MOB3B: variants seen among roughly 807,000 people sequenced by gnomAD.
The protein encoded by MOB3B is MOB kinase activator-like 2B.
A neutral mutation model predicts 18.7 loss-of-function variants in MOB3B; 7 were observed. That is an observed-to-expected ratio of 0.37 (90% confidence interval 0.21 to 0.70). MOB3B has a LOEUF of 0.70. Ranked by LOEUF, MOB3B falls within the 30% of genes least tolerant of loss-of-function variation. MOB3B has a pLI of 0.52. For missense variants in MOB3B, 253 were observed against 281.3 expected (o/e 0.90, Z 0.72); for synonymous variants, 111 against 99.9 (o/e 1.11, Z -0.66).
At chr9:27,517,799 C>T (rs776599267) in intron 1 of MOB3B, among the ~76,000 whole-genome samples, 21 of 151,700 alleles carry the variant, frequency 1.4e-4, no homozygotes, top group Admixed American at 7.2e-4. Context: ...TGCTAAACAC[C>T]GGGGATAAAA....
chr9:27,364,861 T>A (rs1000551444), intron 2 of MOB3B, among the ~76,000 whole-genome samples: 4 of 152,220 alleles, frequency 2.6e-5, no homozygotes, highest in Non-Finnish European at 4.4e-5. Context: ...TTTATTTTCA[T>A]GATAGCAGTC....
intron 1 of MOB3B, among the ~76,000 whole-genome samples, chr9:27,485,026 C>A (rs1258089224): frequency 6.6e-6 from 1 of 152,072 alleles, no homozygotes; most frequent in African/African-American, 2.4e-5. Context: ...TTAAACAGAC[C>A]ACGGATCCAA....
At chr9:27,404,347 CTTT>C (rs756275032) in intron 2 of MOB3B, among the ~76,000 whole-genome samples, 51 of 75,162 alleles carry the variant, frequency 6.8e-4, no homozygotes, top group African/African-American at 2.8e-3. Context: ...TTCTTTCTTT[CTTT>C]TTTTTTTTTT....
intron 2 of MOB3B, chr9:27,391,795 A>C (rs1051151655): frequency 6.6e-6 from 1 of 152,346 alleles, no homozygotes; most frequent in Non-Finnish European, 1.5e-5. Flanking sequence ...AGTGACTTCA[A>C]ATTTAGAGAA....
At chr9:27,369,601 C>T (rs957813963) in intron 2 of MOB3B, among the ~76,000 whole-genome samples, 4 of 152,238 alleles carry the variant, frequency 2.6e-5, no homozygotes, top group African/African-American at 9.6e-5. Flanking sequence ...ATTTAACATG[C>T]AGGCAAGACC....
In MOB3B at chr9:27,529,782, C is replaced by A; in HGVS notation, c.-426G>T. 1.0e-6 allele frequency: 1 copy of A among 985,386 alleles called. No individual in the cohort carries two copies. The highest frequency in any genetic ancestry group is 1.2e-6 in the Non-Finnish European group (1 of 829,920). The allele number at this position is 985,386 out of a possible 1,614,324, so 61.0% of individuals were successfully genotyped here. Reference sequence around the variant, plus strand: ...GCTCCGGAGCAGCCCCCTCATGCACCCAGCGCGCCGCGCAGCCGGCCGGGG... The same window carrying A: ...GCTCCGGAGCAGCCCCCTCATGCACACAGCGCGCCGCGCAGCCGGCCGGGG... On this transcript the variant is annotated 5_prime_UTR_variant, in exon 1 of 4. Coordinates refer to ENST00000262244, the MANE Select transcript of MOB3B (RefSeq NM_024761.5).
At chr9:27,331,178 C>T (rs1563841955) in intron 3 of MOB3B, among the ~76,000 whole-genome samples, 1 of 152,160 alleles carries the variant, frequency 6.6e-6, no homozygotes, top group Admixed American at 6.5e-5. Context: ...GTCTGACATG[C>T]GTCACCTGCC....
In MOB3B at chr9:27,522,794, GT is replaced by G. The variant is rs1820359014; in HGVS notation, c.-199+6760del. 2.6e-5 allele frequency among the ~76,000 whole-genome samples: 4 copies of G among 152,114 alleles called. No homozygotes were observed. In the South Asian group the frequency reaches 8.3e-4, roughly 31 times the overall value. On this transcript the variant is annotated intron_variant, in intron 1 of 3. Coordinates refer to ENST00000262244, the MANE Select transcript of MOB3B (RefSeq NM_024761.5). ...TATCACCACTTTCCTCTCTAGGAAGGTTGTGTCAATTTATAACGCTATATAA... is the reference window on the plus strand; with the variant it reads ...TATCACCACTTTCCTCTCTAGGAAGGTGTGTCAATTTATAACGCTATATAA...
rs61043046 is a variant in MOB3B at position 27,365,162 on chromosome 9, C to CAAAAAAAAAAAA, written c.419-5938_419-5927dup. Among the ~76,000 whole-genome samples the CAAAAAAAAAAAA allele has an allele frequency of 6.5e-4, 71 of 109,706 alleles. 2 individuals are homozygous for CAAAAAAAAAAAA. The highest frequency in any genetic ancestry group is 5.0e-3 in the Middle Eastern group (1 of 200). 72.0% of individuals were successfully genotyped at this position (109,706 alleles called of 152,430 possible). Reference sequence around the variant, plus strand: ...TCCATCATCTCCTGTTTGGGGGAGGCAAAAAAAAAAAAAGAAAACCCACAG... The same window carrying CAAAAAAAAAAAA: ...TCCATCATCTCCTGTTTGGGGGAGGCAAAAAAAAAAAAAAAAAAAAAAAAAGAAAACCCACAG... On this transcript the variant is annotated intron_variant, in intron 2 of 3. Transcript: ENST00000262244.
intron 1 of MOB3B, among the ~76,000 whole-genome samples, chr9:27,481,961 A>T (rs1033245279): frequency 6.6e-6 from 1 of 152,088 alleles, no homozygotes; most frequent in Admixed American, 6.6e-5. Context: ...ATTTTTTTTT[A>T]AAAAGCAAAC....
chr9:27,396,206 T>A (rs1332332837), intron 2 of MOB3B, among the ~76,000 whole-genome samples: 1 of 152,230 alleles, frequency 6.6e-6, no homozygotes, highest in Non-Finnish European at 1.5e-5. Flanking sequence ...CAAACAGATG[T>A]ATCACTGACA....
intron 2 of MOB3B, among the ~76,000 whole-genome samples, chr9:27,433,719 C>A (rs978287366): frequency 1.3e-5 from 2 of 152,094 alleles, no homozygotes; most frequent in Non-Finnish European, 1.5e-5. Flanking sequence ...GAGAATGAAG[C>A]CTTTCCATGC....
chr9:27,331,377 C>T (rs564783808), intron 3 of MOB3B, among the ~76,000 whole-genome samples: 4 of 152,294 alleles, frequency 2.6e-5, no homozygotes, highest in African/African-American at 9.6e-5. Flanking sequence ...GAGACCTTCC[C>T]GCACTCCTGC....
At chr9:27,399,567 C>T (rs1821846136) in intron 2 of MOB3B, among the ~76,000 whole-genome samples, 1 of 152,148 alleles carries the variant, frequency 6.6e-6, no homozygotes, top group East Asian at 1.9e-4. Context: ...GTATTTCAGA[C>T]ACCCAGGTGG....
rs551834566 is a variant in MOB3B at position 27,422,355 on chromosome 9, C to T, written c.418+32778G>A. On this transcript the variant is annotated intron_variant, in intron 2 of 3. Transcript: ENST00000262244. ...TGCATAGTTCAGTCCAACTTCAACG[C>T]TTTATTTTTAGAGGAGACTTTTACA... is the stretch of plus-strand genomic sequence containing the variant. Among the ~76,000 whole-genome samples, 6 of 152,276 alleles carry T rather than the reference C, an allele frequency of 3.9e-5. No homozygotes were observed. The South Asian group carries it at 8.3e-4, about 21-fold the overall frequency.
Position 27,361,573 on chromosome 9 carries a change from T to TA in MOB3B, c.419-2338dup, listed in dbSNP as rs1176591274. ...AAGACCACAGACCTGGGATTAACAG[T>TA]AAAAAGTAGTATTTACTGAGCTCTT... On this transcript the variant is annotated intron_variant, in intron 2 of 3. Transcript: ENST00000262244. Among the ~76,000 whole-genome samples the TA allele has an allele frequency of 2.6e-5, 4 of 152,278 alleles. No homozygotes were observed. In the East Asian group the frequency reaches 7.7e-4, roughly 29 times the overall value.
intron 2 of MOB3B, among the ~76,000 whole-genome samples, chr9:27,362,906 T>G (rs905430326): frequency 2.6e-5 from 4 of 152,232 alleles, no homozygotes; most frequent in African/African-American, 9.6e-5. Context: ...TAAATAAACC[T>G]CAGAAGGTGG....
At chr9:27,483,125 C>CTTTTTTTTT (rs71492747) in intron 1 of MOB3B, among the ~76,000 whole-genome samples, 8 of 68,544 alleles carry the variant, frequency 1.2e-4, no homozygotes, top group East Asian at 4.7e-4. Flanking sequence ...ATATACGGTA[C>CTTTTTTTTT]TTTTTTTTTT....
intron 1 of MOB3B, among the ~76,000 whole-genome samples, chr9:27,496,648 G>C (rs1387838489): frequency 6.6e-6 from 1 of 152,144 alleles, no homozygotes; most frequent in East Asian, 1.9e-4. Flanking sequence ...ACTGTAATTA[G>C]GTGTGTTTTA....
Sources: gnomAD v4.1 joint callset for allele counts (sites outside exome capture counted in the v4.1 genomes callset) on GRCh38, gnomAD v4.1.1 for gene constraint, MANE v1.5 for transcripts, NCBI Gene and HGNC (gene_info 2026-07-23, HGNC 2026-07-21) for gene names.